The following BUB1B variants were observed in gnomAD, a reference collection of about 807,000 sequenced individuals.
BUB1B encodes the protein mitotic checkpoint serine/threonine-protein kinase BUB1 beta.
Under a neutral mutation model 137.7 loss-of-function variants are expected in BUB1B, and 86 were observed. That is an observed-to-expected ratio of 0.62 (90% CI 0.52 to 0.75). The LOEUF (loss-of-function observed/expected upper bound fraction) is 0.75, where lower values mean the gene tolerates loss of function less well. Ranked by LOEUF, BUB1B falls within the 30% of genes least tolerant of loss-of-function variation. The probability of loss-of-function intolerance (pLI) is 0.00; values close to 1 mark genes in which losing one functional copy is unlikely to be tolerated. For missense variants in BUB1B, 1,130 were observed against 1,236.9 expected, an observed-to-expected ratio of 0.91 and a Z score of 1.30; for synonymous variants, 420 against 417.9, an observed-to-expected ratio of 1.00 and a Z score of -0.06.
chr15:40,213,581 G>T, intron 20 of BUB1B, 107 bp downstream of exon 20: 1 of 1,264,646 alleles, frequency 7.9e-7, no homozygotes, highest in Non-Finnish European at 1.1e-6. Flanking sequence ...TGTCACCTAG[G>T]TTGGAGTACA....
At chr15:40,168,564 C>G (rs538354098) in intron 2 of BUB1B, among the ~76,000 whole-genome samples, 22 of 152,168 alleles carry the variant, frequency 1.4e-4, no homozygotes, top group African/African-American at 5.1e-4. Context: ...AACTGTGGTC[C>G]CTTCTTCTAA....
chr15:40,195,933 C>T (rs1297546083), intron 8 of BUB1B, among the ~76,000 whole-genome samples: 1 of 152,136 alleles, frequency 6.6e-6, no homozygotes, highest in Non-Finnish European at 1.5e-5. Context: ...TGTGGGTTGT[C>T]TGTTTACTCT....
At chr15:40,172,114 CTAAAA>C (rs1221023362) in intron 4 of BUB1B, among the ~76,000 whole-genome samples, 1 of 147,916 alleles carries the variant, frequency 6.8e-6, no homozygotes, top group Non-Finnish European at 1.5e-5. Context: ...AAATTTCTTA[CTAAAA>C]TAAAGTAATA....
At chr15:40,168,536 T>C (rs777198396) in intron 2 of BUB1B, among the ~76,000 whole-genome samples, 1 of 152,208 alleles carries the variant, frequency 6.6e-6, no homozygotes, top group Non-Finnish European at 1.5e-5. Flanking sequence ...CACACTTTAA[T>C]TGCCATATTA....
chr15:40,216,563 ATATATATATTTTT>A (rs1311096918), intron 20 of BUB1B, among the ~76,000 whole-genome samples: 16 of 91,940 alleles, frequency 1.7e-4, no homozygotes, highest in African/African-American at 5.8e-4. Flanking sequence ...ATATATATAT[ATATATATATTTTT>A]TTTTTTTTTT....
intron 2 of BUB1B, among the ~76,000 whole-genome samples, chr15:40,165,409 T>C (rs961666660): frequency 6.6e-6 from 1 of 152,232 alleles, no homozygotes; most frequent in African/African-American, 2.4e-5. Flanking sequence ...TTCATTTCAC[T>C]GTGGTGCAGC....
chr15:40,193,991 G>A (rs1250375434), intron 8 of BUB1B, among the ~76,000 whole-genome samples: 1 of 151,634 alleles, frequency 6.6e-6, no homozygotes, highest in African/African-American at 2.4e-5. Context: ...CCAAAGTGCT[G>A]GAATTACAGG....
At chr15:40,203,037 C>T (rs760287168) in intron 14 of BUB1B, among the ~76,000 whole-genome samples, 6 of 152,206 alleles carry the variant, frequency 3.9e-5, no homozygotes, top group Non-Finnish European at 7.4e-5. Flanking sequence ...CCATATGATC[C>T]TGCAGATCTC....
chr15:40,205,302 G>T (rs2037624331), intron 14 of BUB1B, among the ~76,000 whole-genome samples: 3 of 151,996 alleles, frequency 2.0e-5, no homozygotes, highest in Non-Finnish European at 4.4e-5. Flanking sequence ...CCCACCTTTA[G>T]TTACTAAGTC....
chr15:40,165,977 C>T (rs887965647), intron 2 of BUB1B, among the ~76,000 whole-genome samples: 1 of 152,002 alleles, frequency 6.6e-6, no homozygotes, highest in Non-Finnish European at 1.5e-5. Flanking sequence ...CTCAGCCTCC[C>T]AAATAGCTGG....
chr15:40,204,164 T>C (rs2037608725), intron 14 of BUB1B, among the ~76,000 whole-genome samples: 1 of 152,206 alleles, frequency 6.6e-6, no homozygotes, highest in South Asian at 2.1e-4. Context: ...CTAACAGTGC[T>C]TAAGCCCCAT....
intron 22 of BUB1B, 130 bp from the exon 23 acceptor site, chr15:40,220,434 T>G: frequency 1.1e-6 from 1 of 912,126 alleles, no homozygotes; most frequent in Non-Finnish European, 1.7e-6. Flanking sequence ...ATTTGAATGA[T>G]CTCTAACCCT....
In BUB1B at chr15:40,164,993, A is replaced by T. The variant is rs1555380193; in HGVS notation, c.36-60A>T. The T allele has an allele frequency of 2.5e-6, 4 of 1,600,194 alleles. No homozygotes were observed. In the South Asian group the frequency reaches 4.4e-5, roughly 18 times the overall value. On this transcript the variant is annotated intron_variant, in intron 1 of 22. Transcript: ENST00000287598. Reference sequence around the variant, plus strand: ...TCACCTTTCGGAAGACATTTACAATAATCTAGTGCTATAATAGTCAATGTT... The same window carrying T: ...TCACCTTTCGGAAGACATTTACAATTATCTAGTGCTATAATAGTCAATGTT...
At chr15:40,196,936 G>A (rs1038147785) in intron 9 of BUB1B, among the ~76,000 whole-genome samples, 162 bp downstream of exon 9, 6 of 152,110 alleles carry the variant, frequency 3.9e-5, no homozygotes, top group African/African-American at 1.4e-4. Flanking sequence ...TCCCACTGCT[G>A]CCTTCTATGG....
rs769155127 is a variant in BUB1B, at chr15:40,217,766, C to T, written c.2850+99C>T. On this transcript the variant is annotated intron_variant, in intron 21 of 22. Coordinates refer to ENST00000287598, the MANE Select transcript of BUB1B (RefSeq NM_001211.6). ...AGCTACTGTTTACTGATACCGACTC[C>T]TAGAATAGATGACCTAGTTTTCAAA... is the stretch of plus-strand genomic sequence containing the variant. The T allele has an allele frequency of 5.6e-4, 781 of 1,383,948 alleles. 7 individuals carry two copies. Among genetic ancestry groups the T allele is most frequent in the Non-Finnish European group, 1.1e-4 (105 of 975,620 alleles). 85.7% of individuals were successfully genotyped at this position (1,383,948 alleles called of 1,614,324 possible). A position where few individuals can be genotyped will look rare whatever the true frequency, so the allele number is the denominator to read the frequency against.
At chr15:40,199,271 TTG>T (rs1334095559) in intron 9 of BUB1B, among the ~76,000 whole-genome samples, 1 of 152,220 alleles carries the variant, frequency 6.6e-6, no homozygotes, top group Non-Finnish European at 1.5e-5. Context: ...ACTGATTTTC[TTG>T]TGTGTGTGTT....
At chr15:40,181,661 T>C (rs2037295277) in intron 5 of BUB1B, among the ~76,000 whole-genome samples, 1 of 152,224 alleles carries the variant, frequency 6.6e-6, no homozygotes, top group African/African-American at 2.4e-5. Context: ...ATTTTTCTTT[T>C]TGTTTTTCAG....
intron 20 of BUB1B, 114 bp from the exon 21 acceptor site, chr15:40,217,382 G>T: frequency 2.8e-6 from 3 of 1,079,454 alleles, no homozygotes. Flanking sequence ...CCACTGGAGG[G>T]AGTTGTTGGC....
chr15:40,211,845 G>T (rs981479320), intron 18 of BUB1B, among the ~76,000 whole-genome samples: 2 of 151,394 alleles, frequency 1.3e-5, no homozygotes, highest in East Asian at 1.9e-4. Context: ...TCTTCGAGAC[G>T]GAGTTTTGCT....
Sources: allele counts gnomAD v4.1 joint callset (sites outside exome capture counted in the v4.1 genomes callset), GRCh38; gene constraint gnomAD v4.1.1; transcripts MANE v1.5; gene names NCBI Gene and HGNC (gene_info 2026-07-23, HGNC 2026-07-21).